The following LRMDA variants were observed in gnomAD, a reference collection of about 807,000 sequenced individuals.
LRMDA encodes the protein leucine rich melanocyte differentiation associated, also known as leucine-rich melanocyte differentiation-associated protein.
A neutral mutation model predicts 29.8 loss-of-function variants in LRMDA; 18 were observed. The observed-to-expected ratio is 0.60, with a 90% confidence interval of 0.42 to 0.90. The LOEUF is 0.90. Ranked by LOEUF, LRMDA falls within the 40% of genes least tolerant of loss-of-function variation. LRMDA has a pLI of 0.00. For synonymous variants in LRMDA, 125 were observed against 109.4 expected, an observed-to-expected ratio of 1.14 and a Z score of -0.89; for missense variants, 273 against 273.9, an observed-to-expected ratio of 1.00 and a Z score of 0.02.
chr10:75,997,191 C>T (rs922681992), intron 2 of LRMDA, among the ~76,000 whole-genome samples: 3 of 152,100 alleles, frequency 2.0e-5, no homozygotes, highest in Non-Finnish European at 4.4e-5. Context: ...GAATATATCC[C>T]CCCGACACAC....
chr10:75,858,017 T>C (rs12780519), intron 2 of LRMDA, among the ~76,000 whole-genome samples: 57,193 of 152,176 alleles, frequency 0.38, 12,691 homozygotes, highest in South Asian at 0.5. Context: ...TTCTCAGGGC[T>C]TCCAGCCCAG....
At chr10:75,851,553 C>T (rs1844733485) in intron 2 of LRMDA, among the ~76,000 whole-genome samples, 1 of 152,218 alleles carries the variant, frequency 6.6e-6, no homozygotes, top group Admixed American at 6.5e-5. Flanking sequence ...CTTCTCACTA[C>T]TTGTTCTGAA....
rs1003546146 is a variant in LRMDA at position 76,132,824 on chromosome 10, T to G, written c.516+74041T>G. ...GCACCTTCTTTTTTGGCGGGGGGGGTCAGAGTTTCGCTCTGTTGACCAGGT... is the reference window on the plus strand; with the variant it reads ...GCACCTTCTTTTTTGGCGGGGGGGGGCAGAGTTTCGCTCTGTTGACCAGGT... On this transcript the variant is annotated intron_variant, in intron 5 of 6. Transcript: ENST00000611255. 2.0e-3 allele frequency among the ~76,000 whole-genome samples: 268 copies of G among 135,434 alleles called. 1 individual carries two copies. Among genetic ancestry groups the G allele is most frequent in the African/African-American group, 9.3e-3 (248 of 26,724 alleles). The allele number at this position is 135,434 out of a possible 152,430, so 88.8% of individuals were successfully genotyped here.
intron 2 of LRMDA, among the ~76,000 whole-genome samples, chr10:75,516,596 A>G (rs771138611): frequency 4.6e-5 from 7 of 152,042 alleles, no homozygotes; most frequent in Non-Finnish European, 8.8e-5. Context: ...GGTTCTGGAT[A>G]TTAGCCCATT....
chr10:75,452,845 G>A (rs1213701142), intron 2 of LRMDA, among the ~76,000 whole-genome samples: 1 of 152,096 alleles, frequency 6.6e-6, no homozygotes, highest in Non-Finnish European at 1.5e-5. Flanking sequence ...TTATTTCATT[G>A]GGATGCACTT....
chr10:75,615,543 G>A (rs2132102262), intron 2 of LRMDA, among the ~76,000 whole-genome samples: 1 of 152,242 alleles, frequency 6.6e-6, no homozygotes, highest in South Asian at 2.1e-4. Context: ...TATGACAGCT[G>A]CATTTAAAAG....
At position 75,945,505 on chromosome 10, in the gene LRMDA, C is replaced by T. The variant is rs141512323; in HGVS notation, c.132-90503C>T. On this transcript the variant is annotated intron_variant, in intron 2 of 6. Coordinates refer to ENST00000611255, the MANE Select transcript of LRMDA (RefSeq NM_001305581.2). ...CTTGCATTTTAGCCACTCCATCTTGCAGACTTCTGTTAAGGGCCAGCTTCC... is the reference window on the plus strand; with the variant it reads ...CTTGCATTTTAGCCACTCCATCTTGTAGACTTCTGTTAAGGGCCAGCTTCC... Among the ~76,000 whole-genome samples, 549 of 152,290 alleles carry T rather than the reference C, an allele frequency of 3.6e-3. 4 individuals are homozygous for T. Among genetic ancestry groups the T allele is most frequent in the African/African-American group, 0.013 (533 of 41,566 alleles).
Position 76,557,523 on chromosome 10 carries a change from T to A in LRMDA, c.*235T>A. The A allele has an allele frequency of 1.8e-6, 1 of 562,862 alleles. No homozygotes were observed. Among genetic ancestry groups the A allele is most frequent in the Non-Finnish European group, 3.2e-6 (1 of 316,368 alleles). The allele number at this position is 562,862 out of a possible 1,614,324, so 34.9% of individuals were successfully genotyped here. On this transcript the variant is annotated 3_prime_UTR_variant, in exon 7 of 7. Transcript: ENST00000611255. ...CATGATTGCCCTTAAGCAGGTCTCA[T>A]CCACCAGGGTGACAGACAGCGGTGG...
At chr10:75,988,829 C>T (rs925414210) in intron 2 of LRMDA, among the ~76,000 whole-genome samples, 2 of 152,166 alleles carry the variant, frequency 1.3e-5, no homozygotes, top group African/African-American at 2.4e-5. Flanking sequence ...CCAGTGGGTG[C>T]GGCCTGTCCT....
intron 2 of LRMDA, among the ~76,000 whole-genome samples, chr10:75,717,046 G>A (rs913573451): frequency 1.3e-5 from 2 of 152,048 alleles, no homozygotes; most frequent in Non-Finnish European, 2.9e-5. Flanking sequence ...CCCCTCAAAT[G>A]AGCTTTCCTG....
intron 2 of LRMDA, among the ~76,000 whole-genome samples, chr10:75,847,755 C>T (rs915534215): frequency 6.6e-6 from 1 of 152,116 alleles, no homozygotes; most frequent in Non-Finnish European, 1.5e-5. Context: ...CATGATTCAA[C>T]ATCACTAATC....
chr10:75,990,578 A>G (rs1001931637), intron 2 of LRMDA, among the ~76,000 whole-genome samples: 3 of 152,240 alleles, frequency 2.0e-5, no homozygotes, highest in Non-Finnish European at 2.9e-5. Context: ...CGGGCAGAGA[A>G]TCAGCTCTCT....
intron 5 of LRMDA, among the ~76,000 whole-genome samples, chr10:76,230,554 C>CA (rs36026287): frequency 0.32 from 36,579 of 114,762 alleles, 5,292 homozygotes; most frequent in East Asian, 0.69. Context: ...GTTAAGAGGG[C>CA]AAAAAAAAAA....
intron 2 of LRMDA, among the ~76,000 whole-genome samples, chr10:75,508,513 C>A (rs1845192543): frequency 6.6e-6 from 1 of 152,138 alleles, no homozygotes; most frequent in Admixed American, 6.5e-5. Flanking sequence ...GCTTTTTAAT[C>A]CTGGTCTGTT....
At chr10:76,085,094 C>G (rs949515222) in intron 5 of LRMDA, among the ~76,000 whole-genome samples, 5 of 152,036 alleles carry the variant, frequency 3.3e-5, no homozygotes, top group Non-Finnish European at 7.4e-5. Context: ...TTGTTAATAA[C>G]CTAGAGAAGG....
At chr10:76,387,409 C>T (rs931057236) in intron 6 of LRMDA, among the ~76,000 whole-genome samples, 6 of 151,844 alleles carry the variant, frequency 4.0e-5, no homozygotes, top group South Asian at 4.2e-4. Flanking sequence ...GAGACCAGCC[C>T]GGGCAATATG....
chr10:76,156,789 A>C (rs1850545420), intron 5 of LRMDA, among the ~76,000 whole-genome samples: 1 of 152,220 alleles, frequency 6.6e-6, no homozygotes, highest in Admixed American at 6.5e-5. Context: ...TGGCTATTGG[A>C]ATGATGGGAC....
At chr10:76,208,062 G>A (rs1343949033) in intron 5 of LRMDA, among the ~76,000 whole-genome samples, 2 of 152,100 alleles carry the variant, frequency 1.3e-5, no homozygotes, top group Non-Finnish European at 1.5e-5. Flanking sequence ...ATGCAGTTAC[G>A]TTTATTCCCA....
intron 2 of LRMDA, among the ~76,000 whole-genome samples, chr10:75,653,921 G>A (rs890917664): frequency 2.0e-5 from 3 of 152,124 alleles, no homozygotes; most frequent in Non-Finnish European, 4.4e-5. Flanking sequence ...CTCTGACTCA[G>A]CCTTCTCTAC....
Sources: gnomAD v4.1 joint callset for allele counts (sites outside exome capture counted in the v4.1 genomes callset) on GRCh38, gnomAD v4.1.1 for gene constraint, MANE v1.5 for transcripts, NCBI Gene and HGNC (gene_info 2026-07-23, HGNC 2026-07-21) for gene names.